Variants in PCSK2 observed in about 807,000 individuals in gnomAD.
The protein encoded by PCSK2 is proprotein convertase subtilisin/kexin type 2, also known as neuroendocrine convertase 2.
Under a neutral mutation model 69.7 loss-of-function variants are expected in PCSK2, and 14 were observed. The ratio of observed to expected loss-of-function variants is 0.20; its 90% CI spans 0.13 to 0.31. PCSK2 has a LOEUF of 0.31. PCSK2 is among the 10% of genes least tolerant of loss of function. PCSK2 has a pLI of 1.00. For synonymous variants in PCSK2, 307 were observed against 320.7 expected (o/e 0.96, Z 0.46); for missense variants, 544 against 842.5 (o/e 0.65, Z 4.39).
chr20:17,347,743 T>C (rs1210425), intron 2 of PCSK2, among the ~76,000 whole-genome samples: 148,681 of 148,958 alleles, frequency 1, 74,202 homozygotes, highest in Middle Eastern at 1. Flanking sequence ...CTGTGCCTTC[T>C]TCTCAATTTG....
At chr20:17,236,741 G>A (rs1324205668) in intron 1 of PCSK2, among the ~76,000 whole-genome samples, 1 of 152,120 alleles carries the variant, frequency 6.6e-6, no homozygotes, top group Non-Finnish European at 1.5e-5. Flanking sequence ...ATTAGCCTAA[G>A]CATGAAAAAG....
chr20:17,306,910 T>A lies in PCSK2; in HGVS notation c.282+46566T>A, dbSNP rs1324429195. Among the ~76,000 whole-genome samples the A allele has an allele frequency of 2.6e-5, 4 of 152,304 alleles. No homozygotes were observed. In the East Asian group the frequency reaches 7.7e-4, roughly 29 times the overall value. ...ATTGGTATTTAGAAAAAGCTTTGAA[T>A]CTAAATGTCATGCATCTCTCATTTA... On this transcript the variant is annotated intron_variant, in intron 2 of 11. Coordinates refer to ENST00000262545, the MANE Select transcript of PCSK2 (RefSeq NM_002594.5).
intron 1 of PCSK2, among the ~76,000 whole-genome samples, chr20:17,258,380 G>A (rs965926987): frequency 1.5e-4 from 23 of 152,116 alleles, no homozygotes; most frequent in Non-Finnish European, 5.9e-5. Context: ...ATTTTTTTCA[G>A]AGTTCTATTT....
rs369078536 is a variant in PCSK2 at position 17,369,922 on chromosome 20, A to T, written c.543+645A>T. Among the ~76,000 whole-genome samples, 4 of 152,340 alleles carry T rather than the reference A, an allele frequency of 2.6e-5. No homozygotes were observed. In the East Asian group the frequency reaches 5.8e-4, roughly 22 times the overall value. ...TATTTGTGTCACTTATGACCACTCC[A>T]CTGACTTTCCCCCATAACATTGAGA... On this transcript the variant is annotated intron_variant, in intron 5 of 11. Transcript: ENST00000262545.
chr20:17,271,479 G>A (rs1210916833), intron 2 of PCSK2, among the ~76,000 whole-genome samples: 1 of 152,034 alleles, frequency 6.6e-6, no homozygotes, highest in African/African-American at 2.4e-5. Context: ...GGGATAACAA[G>A]CTTGATGCCT....
chr20:17,407,178 C>T (rs1271189530), intron 5 of PCSK2, among the ~76,000 whole-genome samples: 1 of 152,096 alleles, frequency 6.6e-6, no homozygotes, highest in Non-Finnish European at 1.5e-5. Flanking sequence ...TTCTGATCTG[C>T]AACACTATGT....
chr20:17,403,611 G>A (rs965652751), intron 5 of PCSK2, among the ~76,000 whole-genome samples: 1 of 152,340 alleles, frequency 6.6e-6, no homozygotes, highest in South Asian at 2.1e-4. Flanking sequence ...TGCAATTTCA[G>A]CTAATACTGT....
At chr20:17,408,319 T>G (rs2031796804) in intron 5 of PCSK2, among the ~76,000 whole-genome samples, 1 of 152,080 alleles carries the variant, frequency 6.6e-6, no homozygotes, top group Non-Finnish European at 1.5e-5. Context: ...GAATGGGTTA[T>G]TCACTAAACA....
intron 11 of PCSK2, among the ~76,000 whole-genome samples, chr20:17,480,191 T>C (rs1376437152): frequency 1.7e-4 from 18 of 108,242 alleles, no homozygotes; most frequent in South Asian, 6.6e-4. Context: ...TTTCTTTTTT[T>C]TTTTTTTTTT....
At chr20:17,431,435 C>T (rs1294707294) in intron 7 of PCSK2, among the ~76,000 whole-genome samples, 1 of 152,196 alleles carries the variant, frequency 6.6e-6, no homozygotes, top group South Asian at 2.1e-4. Flanking sequence ...GTGCAGCAGC[C>T]TCTGCCTCGC....
chr20:17,416,636 T>A (rs1202336463), intron 6 of PCSK2, among the ~76,000 whole-genome samples: 1 of 152,162 alleles, frequency 6.6e-6, no homozygotes, highest in Non-Finnish European at 1.5e-5. Flanking sequence ...GATCTAGAAC[T>A]AGAAATATCA....
chr20:17,380,706 G>A (rs1434869104), intron 5 of PCSK2, among the ~76,000 whole-genome samples: 1 of 152,202 alleles, frequency 6.6e-6, no homozygotes, highest in Non-Finnish European at 1.5e-5. Context: ...ATTCAGCAGG[G>A]AAGAACACAA....
intron 2 of PCSK2, among the ~76,000 whole-genome samples, chr20:17,287,578 A>G (rs548196027): frequency 6.6e-6 from 1 of 152,260 alleles, no homozygotes; most frequent in Admixed American, 6.5e-5. Context: ...AAGTGGGGTC[A>G]TGCAATTTTA....
At chr20:17,431,053 T>G (rs1336536265) in intron 7 of PCSK2, among the ~76,000 whole-genome samples, 2 of 152,174 alleles carry the variant, frequency 1.3e-5, no homozygotes, top group African/African-American at 4.8e-5. Flanking sequence ...CTTAGTTTGC[T>G]CTGCCTAAAA....
chr20:17,260,439 A>G, intron 2 of PCSK2, 95 bp downstream of exon 2: 2 of 798,996 alleles, frequency 2.5e-6, no homozygotes, highest in Non-Finnish European at 4.4e-6. Flanking sequence ...TTTTGAAGTA[A>G]AGGCACTTAA....
chr20:17,354,440 A>C (rs1201004719), intron 2 of PCSK2, among the ~76,000 whole-genome samples: 1 of 152,226 alleles, frequency 6.6e-6, no homozygotes, highest in Non-Finnish European at 1.5e-5. Flanking sequence ...TAAGTCAGTG[A>C]CCTTTTAGTA....
At chr20:17,404,390 C>T (rs1762729300) in intron 5 of PCSK2, among the ~76,000 whole-genome samples, 1 of 152,232 alleles carries the variant, frequency 6.6e-6, no homozygotes, top group African/African-American at 2.4e-5. Context: ...ACAAACAGGA[C>T]ACTCGTAGGT....
At chr20:17,242,278 G>A (rs1986607532) in intron 1 of PCSK2, among the ~76,000 whole-genome samples, 1 of 152,244 alleles carries the variant, frequency 6.6e-6, no homozygotes, top group African/African-American at 2.4e-5. Context: ...TGAGTGCTAA[G>A]TCAGTGACTT....
Position 17,283,530 on chromosome 20 carries a change from TG to T in PCSK2, c.282+23190del, listed in dbSNP as rs536136560. On this transcript the variant is annotated intron_variant, in intron 2 of 11. Coordinates refer to ENST00000262545, the MANE Select transcript of PCSK2 (RefSeq NM_002594.5). ...CACACATAGAGCTAGACTAAATGGA[TG>T]GGGTGCTGAGGCTGGGCTTCCATAC... 2.7e-3 allele frequency among the ~76,000 whole-genome samples: 412 copies of T among 152,282 alleles called. 3 individuals are homozygous for T. The highest frequency in any genetic ancestry group is 9.6e-3 in the African/African-American group (398 of 41,546).
Sources: gnomAD v4.1 joint callset for allele counts (sites outside exome capture counted in the v4.1 genomes callset) on GRCh38, gnomAD v4.1.1 for gene constraint, MANE v1.5 for transcripts, NCBI Gene and HGNC (gene_info 2026-07-23, HGNC 2026-07-21) for gene names.